The following WARS2 variants were observed in gnomAD, a reference collection of about 807,000 sequenced individuals.
WARS2 encodes tryptophanyl tRNA synthetase 2, mitochondrial.
A neutral mutation model predicts 36.5 loss-of-function variants in WARS2; 28 were observed. That is an observed-to-expected ratio of 0.77 (90% confidence interval 0.57 to 1.05). The LOEUF (loss-of-function observed/expected upper bound fraction) is 1.05. Among genes scored for constraint, WARS2 ranks in the 50% least tolerant of loss-of-function variants. The pLI, the probability that WARS2 is intolerant of heterozygous loss-of-function variation, is 0.00. For synonymous variants in WARS2, 174 were observed against 178.4 expected (o/e 0.98, Z 0.20); for missense variants, 435 against 456.8 (o/e 0.95, Z 0.44).
At chr1:119,098,541 G>A (rs1020803441) in intron 1 of WARS2, among the ~76,000 whole-genome samples, 6 of 152,006 alleles carry the variant, frequency 3.9e-5, no homozygotes, top group African/African-American at 1.2e-4. Flanking sequence ...GGGTTCAAGC[G>A]ATTCTCCTGC....
intron 1 of WARS2, among the ~76,000 whole-genome samples, chr1:119,098,046 C>T (rs1362272347): frequency 1.3e-5 from 2 of 152,144 alleles, no homozygotes; most frequent in Non-Finnish European, 1.5e-5. Flanking sequence ...GTCAGGAGTT[C>T]GAGACCAGCC....
At chr1:119,092,221 T>C (rs1393192647) in intron 1 of WARS2, among the ~76,000 whole-genome samples, 1 of 152,170 alleles carries the variant, frequency 6.6e-6, no homozygotes, top group Non-Finnish European at 1.5e-5. Context: ...AAGATAGTTG[T>C]TTGCCTACCT....
chr1:119,119,326 G>A (rs1021093883), intron 1 of WARS2, among the ~76,000 whole-genome samples: 5 of 151,838 alleles, frequency 3.3e-5, no homozygotes, highest in Non-Finnish European at 7.4e-5. Flanking sequence ...GACAAACAGA[G>A]ACATTATATA....
At chr1:119,118,393 T>C (rs1440005317) in intron 1 of WARS2, among the ~76,000 whole-genome samples, 15 of 151,984 alleles carry the variant, frequency 9.9e-5, no homozygotes, top group Non-Finnish European at 2.2e-4. Context: ...GAAAAAAGAA[T>C]TTTAAAAATG....
intron 2 of WARS2, among the ~76,000 whole-genome samples, chr1:119,060,425 C>A (rs1202842691): frequency 1.3e-5 from 2 of 152,172 alleles, no homozygotes; most frequent in South Asian, 2.1e-4. Context: ...AGGCCACAGG[C>A]CTATCAGATT....
chr1:119,101,829 C>T (rs1036743309), intron 1 of WARS2, among the ~76,000 whole-genome samples: 5 of 152,048 alleles, frequency 3.3e-5, no homozygotes, highest in African/African-American at 4.8e-5. Flanking sequence ...AGCTACAAGC[C>T]GCAGAACAAT....
intron 2 of WARS2, among the ~76,000 whole-genome samples, chr1:119,057,661 G>A (rs115252903): frequency 2.0e-5 from 3 of 151,684 alleles, no homozygotes; most frequent in Admixed American, 1.3e-4. Flanking sequence ...ATGGTTGCAG[G>A]TGCCTGTAAT....
chr1:119,076,619 G>A lies in WARS2; in HGVS notation c.91-12C>T, dbSNP rs749569280. 3.7e-6 allele frequency: 6 copies of A among 1,613,706 alleles called. No homozygotes were observed. Among genetic ancestry groups the A allele is most frequent in the Non-Finnish European group, 5.1e-6 (6 of 1,179,816 alleles). On this transcript the variant is annotated splice_polypyrimidine_tract_variant and intron_variant, in intron 1 of 5. Coordinates refer to ENST00000235521, the MANE Select transcript of WARS2 (RefSeq NM_015836.4). ...TTCTTGCTGTCTTTCTGGAACAAAG[G>A]AAAACAAGCATATTTGCTTTTGAGG...
At chr1:119,046,351 AT>A (rs35429480) in intron 2 of WARS2, among the ~76,000 whole-genome samples, 1,354 of 97,064 alleles carry the variant, frequency 0.014, 11 homozygotes, top group African/African-American at 0.036. Context: ...ACTTTCCCCA[AT>A]TTTTTTTTTT....
At chr1:119,108,456 T>C (rs1178517601) in intron 1 of WARS2, among the ~76,000 whole-genome samples, 1 of 152,030 alleles carries the variant, frequency 6.6e-6, no homozygotes, top group African/African-American at 2.4e-5. Context: ...ATTTAGGTTA[T>C]TAAAGTTGTG....
At chr1:119,122,859 T>A (rs1485733445) in intron 1 of WARS2, among the ~76,000 whole-genome samples, 1 of 152,024 alleles carries the variant, frequency 6.6e-6, no homozygotes, top group Non-Finnish European at 1.5e-5. Flanking sequence ...ATAAGAATGA[T>A]AGAATGGACT....
intron 1 of WARS2, among the ~76,000 whole-genome samples, chr1:119,090,626 A>G (rs1436177723): frequency 6.6e-6 from 1 of 152,196 alleles, no homozygotes; most frequent in African/African-American, 2.4e-5. Flanking sequence ...TAATGCCAAT[A>G]CTTTGGGAGG....
intron 1 of WARS2, among the ~76,000 whole-genome samples, chr1:119,130,056 T>C (rs975876233): frequency 1.1e-4 from 16 of 151,900 alleles, no homozygotes; most frequent in African/African-American, 3.6e-4. Flanking sequence ...TCTCTCCATC[T>C]ATGCAGGGCA....
chr1:119,126,987 C>A (rs1655708743), intron 1 of WARS2: 2 of 738,806 alleles, frequency 2.7e-6, no homozygotes, highest in Admixed American at 3.5e-5. Context: ...GGGTAAGATC[C>A]ATGCCATGGA....
At chr1:119,115,424 C>T (rs930756905) in intron 1 of WARS2, among the ~76,000 whole-genome samples, 4 of 152,078 alleles carry the variant, frequency 2.6e-5, no homozygotes, top group African/African-American at 9.7e-5. Context: ...GAGAGCAAAC[C>T]CTGCCTGTGA....
chr1:119,053,103 G>A (rs533017954), intron 2 of WARS2, among the ~76,000 whole-genome samples: 1 of 152,328 alleles, frequency 6.6e-6, no homozygotes, highest in East Asian at 1.9e-4. Flanking sequence ...CTCCGAAGCA[G>A]GGGTCAGCAA....
Position 119,140,633 on chromosome 1 carries a change from G to T in WARS2, c.12C>A (p.His4Gln). Residue 4 changes from histidine (H) to glutamine (Q), a missense_variant, in exon 1 of 6, where the codon CAC becomes CAA. Coordinates refer to ENST00000235521, the MANE Select transcript of WARS2 (RefSeq NM_015836.4). MAL[H>Q]SMRKARERWS... The stretch of plus-strand genomic sequence containing the variant: ...AGCGCTCACGCGCTTTCCGCATTGA[G>T]TGCAGCGCCATCTTGAGAAGGGCGG... 6.2e-7 allele frequency: 1 copy of T among 1,613,030 alleles called. No homozygotes were observed.
At position 119,032,718 on chromosome 1, in the gene WARS2, C is replaced by T. The variant is rs534443253; in HGVS notation, c.*193G>A. ...TATTTTTTGTTGTTGTTGTTCACAG[C>T]ATTTTGTTGATGGGATTTGGAACAC... On this transcript the variant is annotated 3_prime_UTR_variant, in exon 6 of 6. Transcript: ENST00000235521. 1.7e-6 allele frequency: 1 copy of T among 598,510 alleles called. No homozygotes were observed. Among genetic ancestry groups the T allele is most frequent in the Non-Finnish European group, 2.8e-6 (1 of 350,914 alleles). The allele number at this position is 598,510 out of a possible 1,614,324, so 37.1% of individuals were successfully genotyped here.
chr1:119,107,881 T>A lies in WARS2; in HGVS notation c.91-31274A>T, dbSNP rs1057199647. Among the ~76,000 whole-genome samples the A allele has an allele frequency of 4.6e-5, 7 of 152,106 alleles. 1 individual carries two copies. In the East Asian group the frequency reaches 1.2e-3, roughly 25 times the overall value. On this transcript the variant is annotated intron_variant, in intron 1 of 5. Coordinates refer to ENST00000235521, the MANE Select transcript of WARS2 (RefSeq NM_015836.4). The stretch of plus-strand genomic sequence containing the variant: ...ATTCCTGGTTTACTGAGAGTTTTTA[T>A]CATGAATGAGTGTTGCGTTTTGTTA...
Sources: allele counts gnomAD v4.1 joint callset (sites outside exome capture counted in the v4.1 genomes callset), GRCh38; gene constraint gnomAD v4.1.1; transcripts MANE v1.5; gene names NCBI Gene and HGNC (gene_info 2026-07-23, HGNC 2026-07-21).